EPS8: variants seen among roughly 807,000 people sequenced by gnomAD.
EPS8 encodes the protein EGFR pathway substrate 8, signaling adaptor, also known as epidermal growth factor receptor kinase substrate 8.
EPS8 carries 42 observed loss-of-function variants against 103.8 expected under a neutral mutation model. The observed-to-expected ratio is 0.40, with a 90% CI of 0.32 to 0.52. The LOEUF is 0.52. Among genes scored for constraint, EPS8 ranks in the 20% least tolerant of loss-of-function variants. The probability of loss-of-function intolerance (pLI) is 0.40; values close to 1 mark genes in which losing one functional copy is unlikely to be tolerated. For missense variants in EPS8, 969 were observed against 1,005.1 expected, an observed-to-expected ratio of 0.96 and a Z score of 0.49; for synonymous variants, 344 against 344.6, an observed-to-expected ratio of 1.00 and a Z score of 0.02.
In EPS8 at chr12:15,759,032, A is replaced by T. The variant is rs769194321; in HGVS notation, c.-22+30129T>A. On this transcript the variant is annotated intron_variant, in intron 1 of 20. Transcript: ENST00000281172. The surrounding 1 kb of genome is among the most constrained non-coding windows in gnomAD (Gnocchi z 4.9). ...ATTCTTCTACAGATTTTTTTTTAAA[A>T]TTTTTTAATTAAAAGATGCAGGGGA... Among the ~76,000 whole-genome samples, 1 of 152,042 alleles carries T rather than the reference A, an allele frequency of 6.6e-6. No individual in the cohort carries two copies. Among genetic ancestry groups the T allele is most frequent in the Non-Finnish European group, 1.5e-5 (1 of 67,996 alleles).
intron 6 of EPS8, among the ~76,000 whole-genome samples, chr12:15,667,978 G>A (rs539349287): frequency 6.6e-6 from 1 of 152,046 alleles, no homozygotes; most frequent in African/African-American, 2.4e-5. Flanking sequence ...TAGCTCCCGG[G>A]GGGGGCTTTT....
chr12:15,714,137 T>A lies in EPS8; in HGVS notation c.-21-31165A>T, dbSNP rs189602057. ...CCCAATGAAGATGAGCTTATAAATT[T>A]AGAGATTACAAAATATGGAGAAAAT... is the stretch of plus-strand genomic sequence containing the variant. On this transcript the variant is annotated intron_variant, in intron 1 of 20. Transcript: ENST00000281172. The surrounding 1 kb of genome is among the most constrained non-coding windows in gnomAD (Gnocchi z 4.1). 2.0e-5 allele frequency among the ~76,000 whole-genome samples: 3 copies of A among 152,154 alleles called. No homozygotes were observed. In the East Asian group the frequency reaches 5.8e-4, roughly 29 times the overall value.
At chr12:15,632,300 A>G (rs970033654) in intron 17 of EPS8, among the ~76,000 whole-genome samples, 4 of 152,176 alleles carry the variant, frequency 2.6e-5, no homozygotes, top group African/African-American at 9.7e-5. Context: ...AACGAATACT[A>G]GAAAGGGACC....
chr12:15,750,820 A>G (rs1946924031), intron 1 of EPS8, among the ~76,000 whole-genome samples: 1 of 152,222 alleles, frequency 6.6e-6, no homozygotes, highest in Admixed American at 6.5e-5. Context: ...TGTTTTAGAA[A>G]CATATCTACC....
At chr12:15,641,506 C>G (rs908266020) in intron 16 of EPS8, among the ~76,000 whole-genome samples, 1 of 151,812 alleles carries the variant, frequency 6.6e-6, no homozygotes, top group East Asian at 1.9e-4. Flanking sequence ...AAAAAACCCA[C>G]CCTGCCACTC....
At chr12:15,673,025 G>A (rs758516862) in intron 3 of EPS8, among the ~76,000 whole-genome samples, 29 of 152,170 alleles carry the variant, frequency 1.9e-4, no homozygotes, top group Non-Finnish European at 3.4e-4. Flanking sequence ...TCATTATGAA[G>A]TATTAAGAAT....
In EPS8 at chr12:15,717,524, T is replaced by A. The variant is rs1565515741; in HGVS notation, c.-21-34552A>T. ...ATTGCTTAAGCCCCGGAGGCAGAGGTTGCAGTCAGCCGAGATCGTGCCATT... is the reference window on the plus strand; with the variant it reads ...ATTGCTTAAGCCCCGGAGGCAGAGGATGCAGTCAGCCGAGATCGTGCCATT... On this transcript the variant is annotated intron_variant, in intron 1 of 20. Coordinates refer to ENST00000281172, the MANE Select transcript of EPS8 (RefSeq NM_004447.6). The surrounding 1 kb of genome is among the most constrained non-coding windows in gnomAD (Gnocchi z 4.3). Among the ~76,000 whole-genome samples, 1 of 152,030 alleles carries A rather than the reference T, an allele frequency of 6.6e-6. No individual in the cohort carries two copies. Among genetic ancestry groups the A allele is most frequent in the Non-Finnish European group, 1.5e-5 (1 of 68,000 alleles).
intron 1 of EPS8, among the ~76,000 whole-genome samples, chr12:15,718,042 T>A (rs962544774): frequency 6.6e-6 from 1 of 152,176 alleles, no homozygotes; most frequent in African/African-American, 2.4e-5. Flanking sequence ...TAACTAAAGA[T>A]TAGATGTAAA....
chr12:15,654,120 G>A (rs1469006700), intron 13 of EPS8, 25 bp downstream of exon 13: 7 of 1,604,550 alleles, frequency 4.4e-6, no homozygotes, highest in African/African-American at 2.7e-5. Context: ...TGGTACTTAA[G>A]GCATTATAGG....
In EPS8 at chr12:15,702,153, A is replaced by C. The variant is rs573171658; in HGVS notation, c.-21-19181T>G. Among the ~76,000 whole-genome samples the C allele has an allele frequency of 6.6e-6, 1 of 152,324 alleles. No individual in the cohort carries two copies. Among genetic ancestry groups the C allele is most frequent in the Non-Finnish European group, 1.5e-5 (1 of 68,010 alleles). ...TATAAGAAGAACAAATTTATTCCAAAAGGGCAAAGTGCTTAGAGCAGCAGC... is the reference window on the plus strand; with the variant it reads ...TATAAGAAGAACAAATTTATTCCAACAGGGCAAAGTGCTTAGAGCAGCAGC... On this transcript the variant is annotated intron_variant, in intron 1 of 20. Coordinates refer to ENST00000281172, the MANE Select transcript of EPS8 (RefSeq NM_004447.6). The surrounding 1 kb of genome is among the most constrained non-coding windows in gnomAD (Gnocchi z 5.1).
intron 1 of EPS8, among the ~76,000 whole-genome samples, chr12:15,685,756 G>A (rs4570641): frequency 0.87 from 132,112 of 152,124 alleles, 60,330 homozygotes; most frequent in East Asian, 1. Flanking sequence ...TATACCATGC[G>A]GAGGAAACAA....
intron 3 of EPS8, among the ~76,000 whole-genome samples, chr12:15,676,682 A>G (rs1945914301): frequency 6.6e-6 from 1 of 152,234 alleles, no homozygotes; most frequent in Non-Finnish European, 1.5e-5. Flanking sequence ...GGAAAAAAAT[A>G]TAAAATTTCC....
In EPS8 at chr12:15,760,956, AAGAG is replaced by A. The variant is rs567482657; in HGVS notation, c.-22+28201_-22+28204del. Reference sequence around the variant, plus strand: ...GTACTCCTAGCTAGAGCAATCAGACAAGAGAAAGAAAGAAAGGGCATCCAAATTG... The same window carrying A: ...GTACTCCTAGCTAGAGCAATCAGACAAAAGAAAGAAAGGGCATCCAAATTG... On this transcript the variant is annotated intron_variant, in intron 1 of 20. Transcript: ENST00000281172. The surrounding 1 kb of genome is among the most constrained non-coding windows in gnomAD (Gnocchi z 4.5). Among the ~76,000 whole-genome samples, 120 of 152,210 alleles carry A rather than the reference AAGAG, an allele frequency of 7.9e-4. No homozygotes were observed. The highest frequency in any genetic ancestry group is 1.5e-3 in the Non-Finnish European group (105 of 67,978).
chr12:15,743,517 C>T (rs1946845627), intron 1 of EPS8, among the ~76,000 whole-genome samples: 1 of 152,188 alleles, frequency 6.6e-6, no homozygotes, highest in African/African-American at 2.4e-5. Flanking sequence ...AACTATACTA[C>T]AAGGCTACAA....
intron 10 of EPS8, 41 bp from the exon 11 acceptor site, chr12:15,658,626 A>G: frequency 7.6e-7 from 1 of 1,322,272 alleles, no homozygotes; most frequent in African/African-American, 1.5e-5. Context: ...AGCAAAATCC[A>G]AGGAAATTTA....
rs1208664008 is a variant in EPS8 at position 15,761,055 on chromosome 12, C to A, written c.-22+28106G>T. On this transcript the variant is annotated intron_variant, in intron 1 of 20. Coordinates refer to ENST00000281172, the MANE Select transcript of EPS8 (RefSeq NM_004447.6). This position sits in a 1 kb window ranked among gnomAD's most constrained non-coding sequence, Gnocchi z 4.5. ...TTATATTTGGAAAAACCTAAAGACA[C>A]CACATCAAAAACTATTAAAACTGAT... is the stretch of plus-strand genomic sequence containing the variant. Among the ~76,000 whole-genome samples, 1 of 152,000 alleles carries A rather than the reference C, an allele frequency of 6.6e-6. No homozygotes were observed. The highest frequency in any genetic ancestry group is 1.5e-5 in the Non-Finnish European group (1 of 67,944).
At chr12:15,742,413 C>T (rs1317472261) in intron 1 of EPS8, among the ~76,000 whole-genome samples, 1 of 152,176 alleles carries the variant, frequency 6.6e-6, no homozygotes, top group Non-Finnish European at 1.5e-5. Flanking sequence ...ATTCTAACTG[C>T]TGTGAGATGG....
At position 15,666,431 on chromosome 12, in the gene EPS8, T is replaced by C. The variant is rs1033430863; in HGVS notation, c.599+9A>G. 1 of 1,604,994 alleles carries C rather than the reference T, an allele frequency of 6.2e-7. No homozygotes were observed. ...AATTCCACTCCTTGATTTCTTTCAA[T>C]GCTTTTACCTCAGGGCGTCGGGCCG... is the stretch of plus-strand genomic sequence containing the variant. On this transcript the variant is annotated intron_variant, in intron 7 of 20. Transcript: ENST00000281172.
At chr12:15,707,499 A>G (rs1316986975) in intron 1 of EPS8, among the ~76,000 whole-genome samples, 19 of 151,990 alleles carry the variant, frequency 1.3e-4, no homozygotes, top group Admixed American at 1.2e-3. Context: ...CAGTATAACA[A>G]ACACTAATCA....
Sources: allele counts gnomAD v4.1 joint callset (sites outside exome capture counted in the v4.1 genomes callset), GRCh38; gene constraint gnomAD v4.1.1; non-coding constraint Gnocchi (gnomAD v3.1); transcripts MANE v1.5; gene names NCBI Gene and HGNC (gene_info 2026-07-23, HGNC 2026-07-21).